Variants in DPP10 observed in about 807,000 individuals in gnomAD.
DPP10 encodes dipeptidyl peptidase like 10, also known as inactive dipeptidyl peptidase 10.
A neutral mutation model predicts 120.9 loss-of-function variants in DPP10; 33 were observed. That is an observed-to-expected ratio of 0.27 (90% CI 0.21 to 0.37). The LOEUF (loss-of-function observed/expected upper bound fraction) is 0.37. Ranked by LOEUF, DPP10 falls within the 10% of genes least tolerant of loss-of-function variation. The probability of loss-of-function intolerance (pLI) is 1.00; values close to 1 mark genes in which losing one functional copy is unlikely to be tolerated. For missense variants in DPP10, 816 were observed against 942.8 expected, an observed-to-expected ratio of 0.87 and a Z score of 1.76; for synonymous variants, 337 against 326.1, an observed-to-expected ratio of 1.03 and a Z score of -0.36.
intron 1 of DPP10, among the ~76,000 whole-genome samples, chr2:114,817,599 A>G (rs1355488696): frequency 6.6e-6 from 1 of 152,178 alleles, no homozygotes; most frequent in Non-Finnish European, 1.5e-5. Flanking sequence ...CAAGCTTTCT[A>G]TACTTCCACC....
At chr2:115,783,914 T>G (rs1287295784) in intron 17 of DPP10, among the ~76,000 whole-genome samples, 1 of 152,178 alleles carries the variant, frequency 6.6e-6, no homozygotes, top group Non-Finnish European at 1.5e-5. Flanking sequence ...TGAGTAACAT[T>G]CATGACATAT....
rs1682237283 is a variant in DPP10 at position 115,777,369 on chromosome 2, T to C, written c.1313+70T>C. On this transcript the variant is annotated intron_variant, in intron 14 of 25. Transcript: ENST00000410059. ...CAAATGCCATCTTTTCTAATAGAAT[T>C]ATGTTTTGCTTACCATAGTCCTAGT... 3.6e-6 allele frequency: 5 copies of C among 1,382,418 alleles called. No homozygotes were observed. In the African/African-American group the frequency reaches 7.2e-5, roughly 20 times the overall value. The allele number at this position is 1,382,418 out of a possible 1,614,324, so 85.6% of individuals were successfully genotyped here.
At chr2:115,703,194 T>G (rs2091961820) in intron 7 of DPP10, among the ~76,000 whole-genome samples, 1 of 151,946 alleles carries the variant, frequency 6.6e-6, no homozygotes, top group Non-Finnish European at 1.5e-5. Flanking sequence ...TTTTCCTTAC[T>G]CATTTTTTAA....
intron 5 of DPP10, among the ~76,000 whole-genome samples, chr2:115,536,953 AGTTT>A (rs1179930507): frequency 3.9e-5 from 6 of 152,086 alleles, no homozygotes; most frequent in African/African-American, 1.4e-4. Flanking sequence ...AGTAAAAGTA[AGTTT>A]CTCCTCATAG....
intron 1 of DPP10, among the ~76,000 whole-genome samples, chr2:114,925,296 C>T (rs1695540393): frequency 6.6e-6 from 1 of 151,442 alleles, no homozygotes; most frequent in Admixed American, 6.6e-5. Context: ...TTTTAACAAG[C>T]TGCAGGTAAT....
chr2:115,365,910 A>T (rs1281089095), intron 3 of DPP10, among the ~76,000 whole-genome samples: 1 of 152,066 alleles, frequency 6.6e-6, no homozygotes, highest in East Asian at 1.9e-4. Flanking sequence ...TAGATTTAAC[A>T]TCAACAGATT....
In DPP10 at chr2:115,476,324, A is replaced by G. The variant is rs1363187965; in HGVS notation, c.272-23186A>G. ...CCCTCATTCTGCAGCCGTGTAAGACATGCCTGCTCCCCCTTTGCCTTCCAC... is the reference window on the plus strand; with the variant it reads ...CCCTCATTCTGCAGCCGTGTAAGACGTGCCTGCTCCCCCTTTGCCTTCCAC... On this transcript the variant is annotated intron_variant, in intron 3 of 25. Coordinates refer to ENST00000410059, the MANE Select transcript of DPP10 (RefSeq NM_020868.6). Among the ~76,000 whole-genome samples, 4 of 152,124 alleles carry G rather than the reference A, an allele frequency of 2.6e-5. No individual in the cohort carries two copies. The East Asian group carries it at 7.7e-4, about 29-fold the overall frequency.
chr2:114,983,022 A>G (rs906169195), intron 1 of DPP10, among the ~76,000 whole-genome samples: 5 of 152,338 alleles, frequency 3.3e-5, no homozygotes, highest in Non-Finnish European at 2.9e-5. Context: ...TTAGGTTTGA[A>G]ATCAAAACCC....
intron 1 of DPP10, among the ~76,000 whole-genome samples, chr2:114,996,762 T>C (rs1701110250): frequency 6.6e-6 from 1 of 152,008 alleles, no homozygotes; most frequent in Non-Finnish European, 1.5e-5. Context: ...GGTGGGCAGA[T>C]CACGAAGTCA....
At chr2:115,312,515 T>A (rs1202555883) in intron 2 of DPP10, among the ~76,000 whole-genome samples, 1 of 152,074 alleles carries the variant, frequency 6.6e-6, no homozygotes, top group Non-Finnish European at 1.5e-5. Flanking sequence ...AGGAAGAATA[T>A]CTGAGTTTGT....
chr2:114,524,678 A>G (rs1324768962), intron 1 of DPP10, among the ~76,000 whole-genome samples: 1 of 152,214 alleles, frequency 6.6e-6, no homozygotes, highest in Non-Finnish European at 1.5e-5. Context: ...AATAAATTTC[A>G]GCAGAGGAAA....
At chr2:114,736,689 A>G (rs1212253282) in intron 1 of DPP10, among the ~76,000 whole-genome samples, 1 of 152,206 alleles carries the variant, frequency 6.6e-6, no homozygotes, top group Non-Finnish European at 1.5e-5. Context: ...ATGATTTTCA[A>G]AGATGATCCA....
chr2:115,576,001 T>C (rs1274913967), intron 5 of DPP10, among the ~76,000 whole-genome samples: 1 of 152,178 alleles, frequency 6.6e-6, no homozygotes, highest in Admixed American at 6.5e-5. Context: ...AACAAGGAGA[T>C]GGATTTTTCC....
At chr2:115,238,841 A>G (rs2058126327) in intron 1 of DPP10, among the ~76,000 whole-genome samples, 1 of 152,142 alleles carries the variant, frequency 6.6e-6, no homozygotes, top group Non-Finnish European at 1.5e-5. Flanking sequence ...ATATATGTAT[A>G]TATAAAAGGG....
At chr2:115,467,300 G>T (rs376723098) in intron 3 of DPP10, among the ~76,000 whole-genome samples, 20 of 152,028 alleles carry the variant, frequency 1.3e-4, no homozygotes, top group African/African-American at 4.8e-4. Context: ...AGTGGCTCAC[G>T]TCTGTAATCC....
chr2:115,243,393 A>G (rs2058377891), intron 1 of DPP10, among the ~76,000 whole-genome samples: 1 of 152,174 alleles, frequency 6.6e-6, no homozygotes, highest in Non-Finnish European at 1.5e-5. Context: ...CTGCAAGTCA[A>G]CAGTTCTAAA....
intron 1 of DPP10, among the ~76,000 whole-genome samples, chr2:115,134,081 A>C (rs1327268691): frequency 6.6e-6 from 1 of 152,238 alleles, no homozygotes; most frequent in Non-Finnish European, 1.5e-5. Context: ...GTTTTTGAGA[A>C]TATCGATCTT....
At chr2:115,592,518 A>C (rs2082723923) in intron 5 of DPP10, among the ~76,000 whole-genome samples, 1 of 151,816 alleles carries the variant, frequency 6.6e-6, no homozygotes, top group South Asian at 2.1e-4. Flanking sequence ...TTTGATCATG[A>C]GGTCAAGAGA....
At chr2:115,372,799 A>T (rs2065505689) in intron 3 of DPP10, among the ~76,000 whole-genome samples, 2 of 152,216 alleles carry the variant, frequency 1.3e-5, no homozygotes, top group South Asian at 4.1e-4. Flanking sequence ...GTGTAGGGAG[A>T]ATGAGTGCAG....
Sources: gnomAD v4.1 joint callset for allele counts (sites outside exome capture counted in the v4.1 genomes callset) on GRCh38, gnomAD v4.1.1 for gene constraint, MANE v1.5 for transcripts, NCBI Gene and HGNC (gene_info 2026-07-23, HGNC 2026-07-21) for gene names.